SYNPR: variants seen among roughly 807,000 people sequenced by gnomAD.
SYNPR encodes synaptoporin.
SYNPR carries 23 observed loss-of-function variants against 32.9 expected under a neutral mutation model. The ratio of observed to expected loss-of-function variants is 0.70; its 90% CI spans 0.50 to 0.99. The LOEUF (loss-of-function observed/expected upper bound fraction) is 0.99, where lower values mean the gene tolerates loss of function less well. SYNPR is among the 50% of genes least tolerant of loss of function. The probability of loss-of-function intolerance (pLI) is 0.00; values close to 1 mark genes in which losing one functional copy is unlikely to be tolerated. For synonymous variants in SYNPR, 146 were observed against 135.9 expected, an observed-to-expected ratio of 1.07 and a Z score of -0.52; for missense variants, 318 against 349.3, an observed-to-expected ratio of 0.91 and a Z score of 0.71.
intron 2 of SYNPR, among the ~76,000 whole-genome samples, chr3:63,442,046 T>A (rs1700187533): frequency 6.6e-6 from 1 of 152,192 alleles, no homozygotes; most frequent in Admixed American, 6.5e-5. Flanking sequence ...TATGGTTTTT[T>A]GGTTGGTTGG....
chr3:63,613,703 G>T (rs910793255), intron 5 of SYNPR, among the ~76,000 whole-genome samples: 1 of 144,584 alleles, frequency 6.9e-6, no homozygotes, highest in Non-Finnish European at 1.5e-5. Context: ...TTACCATTTA[G>T]TAAGTATTTG....
At chr3:63,551,378 T>G (rs1429536785) in intron 3 of SYNPR, among the ~76,000 whole-genome samples, 1 of 152,216 alleles carries the variant, frequency 6.6e-6, no homozygotes, top group East Asian at 1.9e-4. Flanking sequence ...CTGTGAACAC[T>G]CTTGTACAAG....
At chr3:63,556,888 C>T (rs1702604591) in intron 4 of SYNPR, 147 bp downstream of exon 4, 1 of 805,710 alleles carries the variant, frequency 1.2e-6, no homozygotes, top group South Asian at 2.3e-5. Context: ...CTCGAAGCCA[C>T]AACAAAAACT....
chr3:63,496,335 T>A (rs1183905813), intron 3 of SYNPR, among the ~76,000 whole-genome samples: 1 of 152,086 alleles, frequency 6.6e-6, no homozygotes, highest in African/African-American at 2.4e-5. Context: ...TATATTTTCA[T>A]GTCAACCCTT....
chr3:63,256,924 A>G lies in SYNPR; in HGVS notation n.154+4338A>G, dbSNP rs557074854. Among the ~76,000 whole-genome samples, 143 of 152,354 alleles carry G rather than the reference A, an allele frequency of 9.4e-4. No individual in the cohort carries two copies. The Middle Eastern group carries it at 0.031, about 33-fold the overall frequency. On this transcript the variant is annotated intron_variant and non_coding_transcript_variant, in intron 2 of 4. Transcript: ENST00000478456. The stretch of plus-strand genomic sequence containing the variant: ...GGCACGAGAACTACGTGACGAATGC[A>G]CAAGCCTCAGCAGCCAATTCGATCA...
chr3:63,519,733 G>A (rs780376697), intron 3 of SYNPR, among the ~76,000 whole-genome samples: 1 of 152,210 alleles, frequency 6.6e-6, no homozygotes, highest in Non-Finnish European at 1.5e-5. Flanking sequence ...ATGCTAAGCA[G>A]TAACATGCTC....
intron 2 of SYNPR, among the ~76,000 whole-genome samples, chr3:63,358,189 A>C (rs115693795): frequency 0.012 from 1,777 of 152,326 alleles, 35 homozygotes; most frequent in African/African-American, 0.04. Flanking sequence ...GTAACAAATT[A>C]CCACAAACTT....
intron 2 of SYNPR, among the ~76,000 whole-genome samples, chr3:63,302,189 A>T (rs184727652): frequency 6.6e-6 from 1 of 152,160 alleles, no homozygotes; most frequent in East Asian, 1.9e-4. Flanking sequence ...CTTTTAATTT[A>T]AAAAAATGTT....
intron 2 of SYNPR, among the ~76,000 whole-genome samples, chr3:63,279,319 T>G (rs1234622606): frequency 6.6e-6 from 1 of 152,168 alleles, no homozygotes; most frequent in South Asian, 2.1e-4. Flanking sequence ...AGAGCAGAAC[T>G]CCTTCCTTCC....
chr3:63,423,326 G>T (rs943545446), intron 2 of SYNPR, among the ~76,000 whole-genome samples: 1 of 152,132 alleles, frequency 6.6e-6, no homozygotes, highest in Non-Finnish European at 1.5e-5. Flanking sequence ...TGGACTCCCT[G>T]CCCCACACAC....
At chr3:63,461,262 G>C (rs1700580662) in intron 2 of SYNPR, among the ~76,000 whole-genome samples, 1 of 152,098 alleles carries the variant, frequency 6.6e-6, no homozygotes, top group South Asian at 2.1e-4. Context: ...GTAGCATTAA[G>C]AAATGAGAAC....
intron 4 of SYNPR, among the ~76,000 whole-genome samples, chr3:63,563,356 A>T (rs903736724): frequency 9.2e-5 from 14 of 152,234 alleles, no homozygotes; most frequent in African/African-American, 3.4e-4. Context: ...GGCTGGGGCC[A>T]TCACTAAGGG....
chr3:63,281,293 T>G (rs564132655), intron 2 of SYNPR, among the ~76,000 whole-genome samples: 34 of 152,208 alleles, frequency 2.2e-4, no homozygotes, highest in Non-Finnish European at 3.5e-4. Flanking sequence ...ATCCTGTTTC[T>G]GTGAAAGTTT....
intron 3 of SYNPR, among the ~76,000 whole-genome samples, chr3:63,544,861 T>A (rs1252406836): frequency 6.6e-6 from 1 of 151,752 alleles, no homozygotes; most frequent in Non-Finnish European, 1.5e-5. Flanking sequence ...TACTCCATCA[T>A]CTCATTCAAA....
intron 3 of SYNPR, among the ~76,000 whole-genome samples, chr3:63,496,573 C>T (rs1701377632): frequency 6.6e-6 from 1 of 152,114 alleles, no homozygotes; most frequent in Non-Finnish European, 1.5e-5. Context: ...TGCCAAATTC[C>T]TCTCCAAAAG....
intron 3 of SYNPR, among the ~76,000 whole-genome samples, chr3:63,490,458 G>A (rs900867562): frequency 6.6e-6 from 1 of 152,068 alleles, no homozygotes; most frequent in African/African-American, 2.4e-5. Flanking sequence ...CTTAAGGGGT[G>A]AAGTCAAGAA....
At chr3:63,442,941 C>A in intron 2 of SYNPR, 1 of 723,426 alleles carries the variant, frequency 1.4e-6, no homozygotes. Context: ...CCATTTTTCC[C>A]CATACCCTTA....
At chr3:63,468,099 C>A (rs1437161890) in intron 2 of SYNPR, among the ~76,000 whole-genome samples, 1 of 147,194 alleles carries the variant, frequency 6.8e-6, no homozygotes, top group Non-Finnish European at 1.5e-5. Flanking sequence ...GAGGCTGAGG[C>A]AGGAGAATTG....
intron 2 of SYNPR, among the ~76,000 whole-genome samples, chr3:63,296,682 A>C (rs528783362): frequency 1.3e-5 from 2 of 152,224 alleles, no homozygotes; most frequent in Non-Finnish European, 2.9e-5. Flanking sequence ...TTAGTAATAC[A>C]GCTTCAGGTA....
Sources: allele counts gnomAD v4.1 joint callset (sites outside exome capture counted in the v4.1 genomes callset), GRCh38; gene constraint gnomAD v4.1.1; transcripts MANE v1.5; gene names NCBI Gene and HGNC (gene_info 2026-07-23, HGNC 2026-07-21).